NCKAP5: variants seen among roughly 807,000 people sequenced by gnomAD.
NCKAP5 encodes the protein NCK associated protein 5.
In NCKAP5, 92 loss-of-function variants were observed where a neutral mutation model predicts 167.0. That is an observed-to-expected ratio of 0.55 (90% CI 0.47 to 0.66). The LOEUF (loss-of-function observed/expected upper bound fraction) is 0.66, where lower values mean the gene tolerates loss of function less well. NCKAP5 is among the 30% of genes least tolerant of loss of function. The probability of loss-of-function intolerance (pLI) is 0.00; values close to 1 mark genes in which losing one functional copy is unlikely to be tolerated. For missense variants in NCKAP5, 2,378 were observed against 2,315.0 expected, an observed-to-expected ratio of 1.03 and a Z score of -0.56; for synonymous variants, 891 against 877.4, an observed-to-expected ratio of 1.02 and a Z score of -0.27.
intron 3 of NCKAP5, among the ~76,000 whole-genome samples, chr2:133,307,759 T>C (rs1680884391): frequency 6.6e-6 from 1 of 152,164 alleles, no homozygotes; most frequent in Non-Finnish European, 1.5e-5. Context: ...CATATGTGTA[T>C]AACCAAAAGG....
chr2:132,874,299 G>A (rs1313262540), intron 9 of NCKAP5, among the ~76,000 whole-genome samples: 11 of 151,968 alleles, frequency 7.2e-5, no homozygotes, highest in African/African-American at 2.7e-4. Flanking sequence ...TAGTAGAGAC[G>A]AGGTTTCACT....
rs1017238620 is a variant in NCKAP5 at position 132,740,085 on chromosome 2, C to T, written c.5129-8034G>A. Among the ~76,000 whole-genome samples the T allele has an allele frequency of 3.3e-5, 5 of 152,208 alleles. No individual in the cohort carries two copies. In the South Asian group the frequency reaches 6.2e-4, roughly 19 times the overall value. On this transcript the variant is annotated intron_variant, in intron 16 of 19. Transcript: ENST00000409261. ...TCCAAACAAATTATGCTAGTAATCA[C>T]CTTTTTCCCCTCTGCAACCCTCATT...
chr2:132,824,276 C>G (rs1358982868), intron 11 of NCKAP5, among the ~76,000 whole-genome samples: 1 of 152,208 alleles, frequency 6.6e-6, no homozygotes, highest in African/African-American at 2.4e-5. Context: ...GAACTAAACT[C>G]TTCCCATCTT....
intron 5 of NCKAP5, among the ~76,000 whole-genome samples, chr2:133,155,383 G>A (rs1342022127): frequency 6.6e-6 from 1 of 152,184 alleles, no homozygotes; most frequent in Non-Finnish European, 1.5e-5. Context: ...GGATGGGGCT[G>A]AGAATCTGCA....
chr2:133,046,469 C>T (rs970000625), intron 6 of NCKAP5, among the ~76,000 whole-genome samples: 1 of 152,134 alleles, frequency 6.6e-6, no homozygotes, highest in Non-Finnish European at 1.5e-5. Flanking sequence ...CCCTCGACCT[C>T]TCCAGCTCAA....
chr2:133,305,902 C>G (rs57460136), intron 3 of NCKAP5, among the ~76,000 whole-genome samples: 27,582 of 152,116 alleles, frequency 0.18, 3,455 homozygotes, highest in African/African-American at 0.36. Context: ...CTCAATATAA[C>G]GCTAACAAAA....
intron 2 of NCKAP5, chr2:133,526,958 G>A (rs1684974903): frequency 6.6e-6 from 1 of 152,160 alleles, no homozygotes; most frequent in Non-Finnish European, 1.5e-5. Context: ...ACATTAATGA[G>A]TGAATTAAAT....
rs142220325 is a variant in NCKAP5 at position 133,017,630 on chromosome 2, C to T, written c.342-23391G>A. On this transcript the variant is annotated intron_variant, in intron 6 of 19. Transcript: ENST00000409261. ...GATTCTGAAAAAAAAAAATTGAACA[C>T]TTTAAATCTTCCTCTCTTTACTAGA... Among the ~76,000 whole-genome samples, 18 of 152,072 alleles carry T rather than the reference C, an allele frequency of 1.2e-4. No individual in the cohort carries two copies. In the East Asian group the frequency reaches 3.5e-3, roughly 29 times the overall value.
intron 3 of NCKAP5, among the ~76,000 whole-genome samples, chr2:133,340,597 A>G (rs1683510557): frequency 6.6e-6 from 1 of 152,172 alleles, no homozygotes; most frequent in Non-Finnish European, 1.5e-5. Flanking sequence ...AGTAAGATAC[A>G]CAATCTGTCT....
intron 16 of NCKAP5, among the ~76,000 whole-genome samples, chr2:132,766,252 C>G (rs1177431711): frequency 1.5e-5 from 2 of 136,038 alleles, no homozygotes; most frequent in Non-Finnish European, 3.0e-5. Context: ...TACCCTCCAG[C>G]CTGGCGAAAC....
At chr2:133,079,419 T>C (rs2149586452) in intron 6 of NCKAP5, among the ~76,000 whole-genome samples, 1 of 152,284 alleles carries the variant, frequency 6.6e-6, no homozygotes, top group Admixed American at 6.5e-5. Context: ...AATACTTTAA[T>C]ATTTGAATGT....
In NCKAP5 at chr2:133,500,787, A is replaced by G. The variant is rs142382005; in HGVS notation, c.69+16671T>C. 6.6e-5 allele frequency among the ~76,000 whole-genome samples: 10 copies of G among 152,302 alleles called. No individual in the cohort carries two copies. The East Asian group carries it at 1.9e-3, about 29-fold the overall frequency. Reference sequence around the variant, plus strand: ...TATACGTAAGTTTATTGGGATAGTGATGTACTTGTGACAGATTTCTTTCCC... The same window carrying G: ...TATACGTAAGTTTATTGGGATAGTGGTGTACTTGTGACAGATTTCTTTCCC... On this transcript the variant is annotated intron_variant, in intron 3 of 19. Coordinates refer to ENST00000409261, the MANE Select transcript of NCKAP5 (RefSeq NM_207363.3).
At chr2:133,403,803 T>G (rs998040583) in intron 3 of NCKAP5, among the ~76,000 whole-genome samples, 10 of 152,214 alleles carry the variant, frequency 6.6e-5, no homozygotes, top group Admixed American at 3.3e-4. Flanking sequence ...TAGCATCATT[T>G]AAGTCTATCC....
At chr2:133,493,284 C>T (rs1396016059) in intron 3 of NCKAP5, among the ~76,000 whole-genome samples, 1 of 152,150 alleles carries the variant, frequency 6.6e-6, no homozygotes, top group South Asian at 2.1e-4. Flanking sequence ...CATGTCAATA[C>T]AACAGGTCCA....
chr2:133,373,467 T>C (rs544906157), intron 3 of NCKAP5, among the ~76,000 whole-genome samples: 1 of 152,356 alleles, frequency 6.6e-6, no homozygotes, highest in African/African-American at 2.4e-5. Flanking sequence ...AGACTGAGTA[T>C]TGTCAAAATA....
chr2:133,329,203 G>C (rs1682660439), intron 3 of NCKAP5, among the ~76,000 whole-genome samples: 1 of 152,096 alleles, frequency 6.6e-6, no homozygotes. Context: ...TCCAGATCTG[G>C]GTCTGCTTTC....
chr2:133,566,091 A>G (rs142416198), intron 1 of NCKAP5, among the ~76,000 whole-genome samples: 330 of 152,324 alleles, frequency 2.2e-3, no homozygotes, highest in Non-Finnish European at 3.7e-3. Context: ...TAGGAATGTC[A>G]GGGACAAGGA....
At chr2:133,355,980 T>C (rs914169696) in intron 3 of NCKAP5, among the ~76,000 whole-genome samples, 3 of 151,976 alleles carry the variant, frequency 2.0e-5, no homozygotes, top group African/African-American at 7.3e-5. Context: ...CAGGCTGGAG[T>C]GCAGCGGCGT....
the NCKAP5 span, among the ~76,000 whole-genome samples, chr2:133,609,049 A>C: frequency 6.6e-6 from 1 of 152,238 alleles, no homozygotes; most frequent in East Asian, 1.9e-4. Context: ...TGAATGTAAC[A>C]TTCCCTTAAG....
Sources: gnomAD v4.1 joint callset for allele counts (sites outside exome capture counted in the v4.1 genomes callset) on GRCh38, gnomAD v4.1.1 for gene constraint, MANE v1.5 for transcripts, NCBI Gene and HGNC (gene_info 2026-07-23, HGNC 2026-07-21) for gene names.